The following CASZ1 variants were observed in gnomAD, a reference collection of about 807,000 sequenced individuals.
The protein encoded by CASZ1 is zinc finger protein castor homolog 1.
Under a neutral mutation model 135.2 loss-of-function variants are expected in CASZ1, and 28 were observed. The observed-to-expected ratio is 0.21, with a 90% CI of 0.15 to 0.28. The LOEUF (loss-of-function observed/expected upper bound fraction) is 0.28, where lower values mean the gene tolerates loss of function less well. Among genes scored for constraint, CASZ1 ranks in the 10% least tolerant of loss-of-function variants. CASZ1 has a pLI of 1.00. For synonymous variants in CASZ1, 1,068 were observed against 1,073.4 expected (o/e 0.99, Z 0.10); for missense variants, 2,161 against 2,453.3 (o/e 0.88, Z 2.52).
At position 10,676,846 on chromosome 1, in the gene CASZ1, C is replaced by T. The variant is rs1247530732; in HGVS notation, c.17-11275G>A. On this transcript the variant is annotated intron_variant, in intron 4 of 20. Coordinates refer to ENST00000377022, the MANE Select transcript of CASZ1 (RefSeq NM_001079843.3). This position sits in a 1 kb window ranked among gnomAD's most constrained non-coding sequence, Gnocchi z 4.5. ...AGACTCTCTCTAACATCCTGTCTCC[C>T]GGGATCTAGGTCCTGGCAGCTGGCG... 2.0e-5 allele frequency among the ~76,000 whole-genome samples: 3 copies of T among 152,240 alleles called. No homozygotes were observed. Among genetic ancestry groups the T allele is most frequent in the African/African-American group, 4.8e-5 (2 of 41,466 alleles).
chr1:10,647,434 AGAG>A lies in CASZ1; in HGVS notation c.3497+364_3497+366del, dbSNP rs1329487821. On this transcript the variant is annotated intron_variant, in intron 16 of 20. Transcript: ENST00000377022. The surrounding 1 kb of genome is among the most constrained non-coding windows in gnomAD (Gnocchi z 4.9). ...AGATTCAGCCATGGGTGTGAGCCAC[AGAG>A]GAGGCCAATACGGAGGCTCGGAGGG... is the stretch of plus-strand genomic sequence containing the variant. The A allele has an allele frequency of 2.6e-6, 3 of 1,149,650 alleles. No individual in the cohort carries two copies. The Admixed American group carries it at 1.3e-4, about 50-fold the overall frequency. 71.2% of individuals were successfully genotyped at this position (1,149,650 alleles called of 1,614,324 possible).
At position 10,638,987 on chromosome 1, in the gene CASZ1, G is replaced by A. The variant is rs1642091432; in HGVS notation, c.5235C>T (p.Ala1745=). Residue 1745 remains alanine (A), a synonymous_variant, in exon 21 of 21, where the codon GCC becomes GCT. Transcript: ENST00000377022. The surrounding 1 kb of genome is among the most constrained non-coding windows in gnomAD (Gnocchi z 5.9). ...ARTPALAALA[A]LGAPGPAPTA... is the part of the protein sequence containing the mutation. ...TGGGCGCGGGGCCGGGGGCGCCCAG[G>A]GCCGCCAGCGCCGCCAAGGCCGGGG... is the stretch of plus-strand genomic sequence containing the variant. The A allele has an allele frequency of 4.1e-6, 4 of 982,140 alleles. No homozygotes were observed. The highest frequency in any genetic ancestry group is 4.8e-6 in the Non-Finnish European group (4 of 829,262). The allele number at this position is 982,140 out of a possible 1,614,324, so 60.8% of individuals were successfully genotyped here.
intron 8 of CASZ1, among the ~76,000 whole-genome samples, chr1:10,656,181 G>A (rs929379636): frequency 6.6e-6 from 1 of 152,182 alleles, no homozygotes; most frequent in African/African-American, 2.4e-5. Context: ...AAGCCAGAGG[G>A]AGCCACCCCA....
At position 10,659,898 on chromosome 1, in the gene CASZ1, G is replaced by T. The variant is rs766927450; in HGVS notation, c.1144C>A (p.Gln382Lys). ...GGAACCTTGGCGGGGCCTGGCTTCT[G>T]GATGCCCCGGACGTCGTACTTGGAA... ...RPSKYDVRGI[Q>K]KPGPAKVPPT... Residue 382 changes from glutamine to lysine, a missense_variant, in exon 6 of 21, where the codon CAG becomes AAG. Transcript: ENST00000377022. The T allele has an allele frequency of 1.2e-6, 2 of 1,611,260 alleles. No individual in the cohort carries two copies. The highest frequency in any genetic ancestry group is 1.7e-6 in the Non-Finnish European group (2 of 1,179,096).
chr1:10,702,536 A>G (rs949490680), intron 3 of CASZ1, among the ~76,000 whole-genome samples: 2 of 152,224 alleles, frequency 1.3e-5, no homozygotes, highest in East Asian at 3.9e-4. Context: ...GAGAGTCCCA[A>G]GGGCAGAAGG....
chr1:10,643,469 G>T (rs1374904133), intron 18 of CASZ1, among the ~76,000 whole-genome samples, 158 bp from the exon 19 acceptor site: 1 of 152,220 alleles, frequency 6.6e-6, no homozygotes, highest in Non-Finnish European at 1.5e-5. Context: ...GTCTTAGGAG[G>T]AAGGTCAGGA....
At chr1:10,704,430 C>G (rs1639127046) in intron 3 of CASZ1, 1 of 152,098 alleles carries the variant, frequency 6.6e-6, no homozygotes, top group South Asian at 2.1e-4. Flanking sequence ...GCCGGGCCTG[C>G]CCTACACCGG....
At position 10,757,850 on chromosome 1, in the gene CASZ1, C is replaced by T. The variant is rs371134132; in HGVS notation, c.-77+2851G>A. Among the ~76,000 whole-genome samples, 6 of 152,100 alleles carry T rather than the reference C, an allele frequency of 3.9e-5. No homozygotes were observed. Among genetic ancestry groups the T allele is most frequent in the Admixed American group, 6.6e-5 (1 of 15,258 alleles). ...TTACCTCTGGCTCAAAACCCTCCAG[C>T]GGCTTCCTATCACCTAAGCATAAAA... is the stretch of plus-strand genomic sequence containing the variant. On this transcript the variant is annotated intron_variant, in intron 2 of 20. Transcript: ENST00000377022. The surrounding 1 kb of genome is among the most constrained non-coding windows in gnomAD (Gnocchi z 4.6).
At chr1:10,693,061 G>C (rs574910456) in intron 4 of CASZ1, among the ~76,000 whole-genome samples, 5 of 152,254 alleles carry the variant, frequency 3.3e-5, no homozygotes, top group African/African-American at 9.6e-5. Flanking sequence ...TTAAACCCAA[G>C]AAAACACCAA....
In CASZ1 at chr1:10,657,368, G is replaced by A. The variant is rs1642840115; in HGVS notation, c.1410-632C>T. Among the ~76,000 whole-genome samples, 2 of 152,186 alleles carry A rather than the reference G, an allele frequency of 1.3e-5. No homozygotes were observed. Among genetic ancestry groups the A allele is most frequent in the Admixed American group, 6.5e-5 (1 of 15,288 alleles). On this transcript the variant is annotated intron_variant, in intron 7 of 20. Coordinates refer to ENST00000377022, the MANE Select transcript of CASZ1 (RefSeq NM_001079843.3). The surrounding 1 kb of genome is among the most constrained non-coding windows in gnomAD (Gnocchi z 5.7). ...CAGCCTCGGTGACGGCCGGCCGTGG[G>A]GAGGCCACTCTGGAGAGGCCACACC... is the stretch of plus-strand genomic sequence containing the variant.
intron 4 of CASZ1, among the ~76,000 whole-genome samples, chr1:10,687,882 C>T (rs1297974104): frequency 6.6e-6 from 1 of 152,242 alleles, no homozygotes; most frequent in East Asian, 1.9e-4. Context: ...CAAATCCCAG[C>T]CTCGCTCCTT....
chr1:10,765,533 C>G (rs780276716), intron 1 of CASZ1, among the ~76,000 whole-genome samples: 1 of 152,136 alleles, frequency 6.6e-6, no homozygotes, highest in Non-Finnish European at 1.5e-5. Context: ...AGCAGGTATT[C>G]GACGGTACAC....
At chr1:10,731,267 T>A (rs368690327) in intron 2 of CASZ1, among the ~76,000 whole-genome samples, 1 of 151,766 alleles carries the variant, frequency 6.6e-6, no homozygotes, top group African/African-American at 2.4e-5. Flanking sequence ...CATAGTGAGA[T>A]CCCATCTTTA....
chr1:10,730,103 CTTTA>C (rs143871407), intron 2 of CASZ1, among the ~76,000 whole-genome samples: 9 of 151,346 alleles, frequency 5.9e-5, no homozygotes, highest in Admixed American at 1.3e-4. Context: ...GCCATATTCA[CTTTA>C]TTTATTTATT....
chr1:10,702,097 C>T (rs1639074070), intron 3 of CASZ1, among the ~76,000 whole-genome samples: 1 of 152,244 alleles, frequency 6.6e-6, no homozygotes, highest in Non-Finnish European at 1.5e-5. Context: ...ACTCGAATCA[C>T]ACAATCCTGA....
chr1:10,729,417 C>A (rs2100504445), intron 2 of CASZ1, among the ~76,000 whole-genome samples: 1 of 152,284 alleles, frequency 6.6e-6, no homozygotes, highest in East Asian at 1.9e-4. Flanking sequence ...CTCCCCCACC[C>A]CCTTAGCTAT....
chr1:10,716,034 A>G (rs1157504013), intron 2 of CASZ1, among the ~76,000 whole-genome samples: 28 of 74,720 alleles, frequency 3.7e-4, no homozygotes, highest in South Asian at 1.0e-3. Context: ...CACCCAATCC[A>G]CAACCCACAG....
rs936713097 is a variant in CASZ1, at chr1:10,726,840, A to G, written c.-76-21296T>C. 6.6e-6 allele frequency among the ~76,000 whole-genome samples: 1 copy of G among 152,076 alleles called. No individual in the cohort carries two copies. Among genetic ancestry groups the G allele is most frequent in the Middle Eastern group, 3.2e-3 (1 of 316 alleles). ...CTAGCATGGGGGTGTTCAGAGGCCC[A>G]GGGGGTCTTCCCTGGCCTGCTCCGT... On this transcript the variant is annotated intron_variant, in intron 2 of 20. Coordinates refer to ENST00000377022, the MANE Select transcript of CASZ1 (RefSeq NM_001079843.3). The surrounding 1 kb of genome is among the most constrained non-coding windows in gnomAD (Gnocchi z 5.7).
At chr1:10,696,795 T>C (rs1369723142) in intron 3 of CASZ1, among the ~76,000 whole-genome samples, 1 of 152,258 alleles carries the variant, frequency 6.6e-6, no homozygotes, top group Non-Finnish European at 1.5e-5. Context: ...AATGTCTTCC[T>C]GGGCTTCAGC....
Sources: allele counts gnomAD v4.1 joint callset (sites outside exome capture counted in the v4.1 genomes callset), GRCh38; gene constraint gnomAD v4.1.1; non-coding constraint Gnocchi (gnomAD v3.1); transcripts MANE v1.5; gene names NCBI Gene and HGNC (gene_info 2026-07-23, HGNC 2026-07-21).